GALNTL6: variants seen among roughly 807,000 people sequenced by gnomAD.
The protein encoded by GALNTL6 is polypeptide N-acetylgalactosaminyltransferase like 6.
Under a neutral mutation model 73.7 loss-of-function variants are expected in GALNTL6, and 46 were observed. The observed-to-expected ratio is 0.62, with a 90% CI of 0.49 to 0.80. The LOEUF is 0.80. Ranked by LOEUF, GALNTL6 falls within the 30% of genes least tolerant of loss-of-function variation. The probability of loss-of-function intolerance (pLI) is 0.00; values close to 1 mark genes in which losing one functional copy is unlikely to be tolerated. For missense variants in GALNTL6, 604 were observed against 755.0 expected, an observed-to-expected ratio of 0.80 and a Z score of 2.34; for synonymous variants, 259 against 263.7, an observed-to-expected ratio of 0.98 and a Z score of 0.17.
At chr4:172,780,002 A>G (rs1286511989) in intron 5 of GALNTL6, among the ~76,000 whole-genome samples, 3 of 152,224 alleles carry the variant, frequency 2.0e-5, no homozygotes, top group African/African-American at 7.2e-5. Flanking sequence ...ACTTCACTAC[A>G]TAATGAGTGA....
intron 10 of GALNTL6, among the ~76,000 whole-genome samples, chr4:172,962,657 T>C (rs931520047): frequency 1.3e-5 from 2 of 152,168 alleles, no homozygotes; most frequent in Admixed American, 6.5e-5. Context: ...ATGGGAGATC[T>C]GGGCCAAGAA....
chr4:171,917,147 G>A (rs1321188543), intron 2 of GALNTL6, among the ~76,000 whole-genome samples: 2 of 152,036 alleles, frequency 1.3e-5, no homozygotes, highest in African/African-American at 4.8e-5. Context: ...AATTTCCTAA[G>A]TGTGATTATG....
At chr4:172,247,673 G>A (rs1737710479) in intron 3 of GALNTL6, among the ~76,000 whole-genome samples, 1 of 152,108 alleles carries the variant, frequency 6.6e-6, no homozygotes, top group South Asian at 2.1e-4. Context: ...CTTTAGGCTG[G>A]TTCATTAGAT....
chr4:172,813,398 C>G (rs13106905), intron 6 of GALNTL6, 142 bp from the exon 7 acceptor site: 1 of 544,158 alleles, frequency 1.8e-6, no homozygotes, highest in Non-Finnish European at 3.2e-6. Context: ...TCAGAGATTC[C>G]TGAAAAGGGC....
intron 2 of GALNTL6, among the ~76,000 whole-genome samples, chr4:171,843,871 TA>T: frequency 6.6e-6 from 1 of 152,318 alleles, no homozygotes; most frequent in East Asian, 1.9e-4. Flanking sequence ...GATTTTCTAT[TA>T]ATGATTAAAG....
rs923642539 is a variant in GALNTL6 at position 172,208,801 on chromosome 4, C to T, written c.139-20855C>T. Among the ~76,000 whole-genome samples the T allele has an allele frequency of 3.3e-5, 5 of 152,088 alleles. No homozygotes were observed. In the East Asian group the frequency reaches 5.8e-4, roughly 18 times the overall value. On this transcript the variant is annotated intron_variant, in intron 2 of 12. Coordinates refer to ENST00000506823, the MANE Select transcript of GALNTL6 (RefSeq NM_001034845.3). Reference sequence around the variant, plus strand: ...CAAGTGAGGATGGTTGTTAACCTGCCGAGCCTAATAAGAGTGATGAAGTCT... The same window carrying T: ...CAAGTGAGGATGGTTGTTAACCTGCTGAGCCTAATAAGAGTGATGAAGTCT...
At position 171,813,526 on chromosome 4, in the gene GALNTL6, G is replaced by T. The variant is rs1218477808; in HGVS notation, c.-634G>T. 1 of 152,526 alleles carries T rather than the reference G, an allele frequency of 6.6e-6. No individual in the cohort carries two copies. The allele number at this position is 152,526 out of a possible 1,614,324, so 9.4% of individuals were successfully genotyped here. ...TCGCAGCGCCCTCGTCCGCTTCCAAGCCCAGCACAGACTTCGGTTTCTCCG... is the reference window on the plus strand; with the variant it reads ...TCGCAGCGCCCTCGTCCGCTTCCAATCCCAGCACAGACTTCGGTTTCTCCG... On this transcript the variant is annotated 5_prime_UTR_variant, in exon 1 of 13. Transcript: ENST00000506823. The surrounding 1 kb of genome is among the most constrained non-coding windows in gnomAD (Gnocchi z 5.2).
chr4:171,852,858 T>C (rs1427844010), intron 2 of GALNTL6, among the ~76,000 whole-genome samples: 1 of 152,002 alleles, frequency 6.6e-6, no homozygotes, highest in African/African-American at 2.4e-5. Context: ...TTTTTGTTTT[T>C]GTTTTTGAGA....
intron 5 of GALNTL6, among the ~76,000 whole-genome samples, chr4:172,416,063 A>G (rs1730819575): frequency 6.6e-6 from 1 of 152,112 alleles, no homozygotes; most frequent in South Asian, 2.1e-4. Context: ...AGCCACATTC[A>G]CCCAGATCAA....
intron 5 of GALNTL6, among the ~76,000 whole-genome samples, chr4:172,421,339 G>A (rs963738893): frequency 6.6e-6 from 1 of 151,958 alleles, no homozygotes; most frequent in Non-Finnish European, 1.5e-5. Flanking sequence ...AAGTAGGATA[G>A]TTCCAGTCAT....
intron 4 of GALNTL6, among the ~76,000 whole-genome samples, chr4:172,346,988 C>CTTTTTTTTTTTTTTTTTTTTTTTTT (rs34332250): frequency 4.4e-5 from 5 of 114,412 alleles, no homozygotes; most frequent in Admixed American, 9.6e-5. Flanking sequence ...TGTTTTCTTT[C>CTTTTTTTTTTTTTTTTTTTTTTTTT]TTTTTTTTTT....
At chr4:172,912,308 C>G (rs1205971698) in intron 8 of GALNTL6, among the ~76,000 whole-genome samples, 1 of 152,214 alleles carries the variant, frequency 6.6e-6, no homozygotes, top group African/African-American at 2.4e-5. Context: ...GTCAGCAACG[C>G]AGAAGACGGG....
chr4:172,083,715 T>C (rs552424828), intron 2 of GALNTL6, among the ~76,000 whole-genome samples: 1 of 152,168 alleles, frequency 6.6e-6, no homozygotes, highest in Non-Finnish European at 1.5e-5. Flanking sequence ...ATGCCACATA[T>C]CATGTAATGT....
chr4:172,520,774 G>A (rs898284889), intron 5 of GALNTL6, among the ~76,000 whole-genome samples: 2 of 151,724 alleles, frequency 1.3e-5, no homozygotes, highest in Non-Finnish European at 2.9e-5. Context: ...CTCATATCTG[G>A]TCATGTTACA....
chr4:171,969,571 T>C (rs1228779232), intron 2 of GALNTL6, among the ~76,000 whole-genome samples: 1 of 152,238 alleles, frequency 6.6e-6, no homozygotes, highest in East Asian at 1.9e-4. Context: ...ACTTGTTCTG[T>C]ATTTTTACTC....
chr4:171,868,775 G>A (rs1055901826), intron 2 of GALNTL6, among the ~76,000 whole-genome samples: 37 of 151,944 alleles, frequency 2.4e-4, no homozygotes, highest in African/African-American at 8.0e-4. Flanking sequence ...TCTGCCTCCC[G>A]GGTTCAAGCG....
chr4:172,178,514 G>A (rs1278649049), intron 2 of GALNTL6, among the ~76,000 whole-genome samples: 1 of 152,068 alleles, frequency 6.6e-6, no homozygotes, highest in Non-Finnish European at 1.5e-5. Flanking sequence ...GTAAGAATAT[G>A]TAGTGTTTGG....
chr4:172,956,370 G>C (rs1031900012), intron 10 of GALNTL6, among the ~76,000 whole-genome samples: 4 of 152,164 alleles, frequency 2.6e-5, no homozygotes, highest in African/African-American at 9.7e-5. Context: ...GAGAAAAACA[G>C]GTATTAAAGG....
At chr4:172,229,619 C>A in intron 2 of GALNTL6, 37 bp from the exon 3 acceptor site, 1 of 1,325,506 alleles carries the variant, frequency 7.5e-7, no homozygotes, top group Non-Finnish European at 1.1e-6. Flanking sequence ...AAAGGAAATA[C>A]CTCCTTTTTA....
Sources: gnomAD v4.1 joint callset for allele counts (sites outside exome capture counted in the v4.1 genomes callset) on GRCh38, gnomAD v4.1.1 for gene constraint, Gnocchi (gnomAD v3.1) non-coding constraint, MANE v1.5 for transcripts, NCBI Gene and HGNC (gene_info 2026-07-23, HGNC 2026-07-21) for gene names.